Variants in GIPC2 observed in about 807,000 individuals in gnomAD.
The protein encoded by GIPC2 is PDZ domain-containing protein GIPC2.
A neutral mutation model predicts 30.6 loss-of-function variants in GIPC2; 30 were observed. The observed-to-expected ratio is 0.98, with a 90% CI of 0.73 to 1.33. The LOEUF is 1.33. Ranked by LOEUF, GIPC2 falls within the 40% of genes most tolerant of loss-of-function variation. The pLI is 0.00. For synonymous variants in GIPC2, 167 were observed against 150.0 expected, an observed-to-expected ratio of 1.11 and a Z score of -0.83; for missense variants, 414 against 390.3, an observed-to-expected ratio of 1.06 and a Z score of -0.51.
At chr1:78,059,069 G>A (rs887293231) in intron 1 of GIPC2, among the ~76,000 whole-genome samples, 7 of 152,102 alleles carry the variant, frequency 4.6e-5, no homozygotes, top group Admixed American at 1.3e-4. Context: ...CTACACCAGT[G>A]GTTCCCAAAG....
intron 3 of GIPC2, among the ~76,000 whole-genome samples, chr1:78,108,797 G>A (rs181541173): frequency 6.6e-6 from 1 of 152,174 alleles, no homozygotes; most frequent in East Asian, 1.9e-4. Flanking sequence ...CAATGCTGTT[G>A]GTATGTATCT....
At chr1:78,117,093 A>G (rs138207925) in intron 3 of GIPC2, among the ~76,000 whole-genome samples, 363 of 152,290 alleles carry the variant, frequency 2.4e-3, no homozygotes, top group South Asian at 0.011. Flanking sequence ...TTTGCAATCT[A>G]CTCATCTGAC....
intron 3 of GIPC2, among the ~76,000 whole-genome samples, chr1:78,107,492 A>G (rs977840300): frequency 2.6e-5 from 4 of 152,084 alleles, no homozygotes; most frequent in African/African-American, 9.7e-5. Flanking sequence ...AATATAAAAC[A>G]AACACATTAA....
intron 3 of GIPC2, among the ~76,000 whole-genome samples, chr1:78,105,288 A>ATTT (rs1288336378): frequency 7.1e-6 from 1 of 140,482 alleles, no homozygotes; most frequent in Non-Finnish European, 1.6e-5. Context: ...TGTAACTGTA[A>ATTT]TTTTTTTTTT....
intron 5 of GIPC2, among the ~76,000 whole-genome samples, chr1:78,130,229 AG>A (rs1662867345): frequency 6.6e-6 from 1 of 151,002 alleles, no homozygotes; most frequent in Non-Finnish European, 1.5e-5. Context: ...CAGCCTCCTG[AG>A]CAGCTGGGAT....
At chr1:78,087,985 A>G (rs1477754754) in intron 2 of GIPC2, among the ~76,000 whole-genome samples, 6 of 152,212 alleles carry the variant, frequency 3.9e-5, no homozygotes, top group Non-Finnish European at 8.8e-5. Context: ...GTGGCCAACA[A>G]TAATATTAAA....
intron 3 of GIPC2, among the ~76,000 whole-genome samples, chr1:78,101,848 A>T (rs1007047867): frequency 6.6e-6 from 1 of 152,218 alleles, no homozygotes; most frequent in Non-Finnish European, 1.5e-5. Flanking sequence ...CTGTAAACCT[A>T]GATTTTCCCA....
Position 78,135,726 on chromosome 1 carries a change from A to G in GIPC2, c.931A>G (p.Lys311Glu), listed in dbSNP as rs1316465870. ...TGTTTGGGGAGTCATTGGTGATGCC[A>G]AACGAAGAGGATTATGATGTGTACA... ...FDVWGVIGDA[K>E]RRGL is the part of the protein sequence containing the mutation. The change falls in exon 6 of 6, where the codon AAA (lysine) becomes GAA (glutamate). Residue 311 changes from lysine (K) to glutamate (E), a missense_variant. Physicochemically the swap from Lys to Glu is moderately conservative, Grantham distance 56 (BLOSUM62 1). Transcript: ENST00000370759. 4.3e-6 allele frequency: 7 copies of G among 1,613,788 alleles called. No individual in the cohort carries two copies. Among genetic ancestry groups the G allele is most frequent in the Non-Finnish European group, 5.9e-6 (7 of 1,179,830 alleles).
chr1:78,094,264 G>T (rs1423076101), intron 2 of GIPC2, among the ~76,000 whole-genome samples: 1 of 152,222 alleles, frequency 6.6e-6, no homozygotes, highest in Admixed American at 6.5e-5. Context: ...AAATGATTCA[G>T]TAATCACTAA....
In GIPC2 at chr1:78,046,073, C is replaced by T. The variant is rs1416914688; in HGVS notation, c.-22C>T. 9 of 1,412,122 alleles carry T rather than the reference C, an allele frequency of 6.4e-6. No homozygotes were observed. The highest frequency in any genetic ancestry group is 8.3e-6 in the Non-Finnish European group (9 of 1,086,662). 87.5% of individuals were successfully genotyped at this position (1,412,122 alleles called of 1,614,324 possible). A position where few individuals can be genotyped will look rare whatever the true frequency, so the allele number is the denominator to read the frequency against. On this transcript the variant is annotated 5_prime_UTR_variant, in exon 1 of 6. Coordinates refer to ENST00000370759, the MANE Select transcript of GIPC2 (RefSeq NM_017655.6). ...GGCGGCGGACGGCAGCGCAGGTGGG[C>T]CCGCGCTCTCGGCCCTGCAAGATGC... is the stretch of plus-strand genomic sequence containing the variant.
intron 1 of GIPC2, among the ~76,000 whole-genome samples, chr1:78,061,133 T>C (rs1396625696): frequency 2.0e-5 from 3 of 152,208 alleles, no homozygotes; most frequent in African/African-American, 7.2e-5. Flanking sequence ...GTCTACCTGT[T>C]TCCTGAAAGG....
At chr1:78,109,371 T>G in intron 3 of GIPC2, among the ~76,000 whole-genome samples, 1 of 152,214 alleles carries the variant, frequency 6.6e-6, no homozygotes, top group African/African-American at 2.4e-5. Context: ...CAATGGGTGC[T>G]AAAACAACCA....
In GIPC2 at chr1:78,058,981, T is replaced by C. The variant is rs186020535; in HGVS notation, c.240+12647T>C. On this transcript the variant is annotated intron_variant, in intron 1 of 5. Transcript: ENST00000370759. ...AATAGCTTCCATTTCATCCTTGTCC[T>C]TTACTGATCGTTTTGCTGCCCTGTC... Among the ~76,000 whole-genome samples the C allele has an allele frequency of 1.7e-3, 256 of 152,354 alleles. 4 individuals are homozygous for C. The highest frequency in any genetic ancestry group is 5.9e-3 in the African/African-American group (247 of 41,584).
chr1:78,051,123 TAAGAA>T (rs1034600489), intron 1 of GIPC2, among the ~76,000 whole-genome samples: 5 of 151,776 alleles, frequency 3.3e-5, no homozygotes, highest in African/African-American at 1.2e-4. Context: ...TGTGAAAACT[TAAGAA>T]AAGACGTATA....
chr1:78,080,521 A>G (rs1019195386), intron 1 of GIPC2, among the ~76,000 whole-genome samples, 154 bp from the exon 2 acceptor site: 3 of 152,226 alleles, frequency 2.0e-5, no homozygotes, highest in African/African-American at 7.2e-5. Flanking sequence ...AATGTGTCCC[A>G]GAATCTCTCT....
chr1:78,092,037 T>A, intron 2 of GIPC2: 2 of 1,530,496 alleles, frequency 1.3e-6, no homozygotes, highest in Non-Finnish European at 1.8e-6. Context: ...ATCGCCCTCC[T>A]GTCTACTGGC....
At chr1:78,091,314 G>C (rs1396508390) in intron 2 of GIPC2, among the ~76,000 whole-genome samples, 1 of 152,226 alleles carries the variant, frequency 6.6e-6, no homozygotes, top group East Asian at 1.9e-4. Context: ...GGACAGTGTT[G>C]GAAGGATCAG....
chr1:78,058,476 A>G (rs933784810), intron 1 of GIPC2, among the ~76,000 whole-genome samples: 1 of 152,072 alleles, frequency 6.6e-6, no homozygotes, highest in African/African-American at 2.4e-5. Flanking sequence ...GGAGTTCAGC[A>G]TTGTGCTTGA....
At chr1:78,093,744 A>G (rs1207964649) in intron 2 of GIPC2, among the ~76,000 whole-genome samples, 2 of 152,132 alleles carry the variant, frequency 1.3e-5, no homozygotes, top group African/African-American at 4.8e-5. Context: ...TTATTACACA[A>G]TAGCAGCCAC....
Sources: allele counts gnomAD v4.1 joint callset (sites outside exome capture counted in the v4.1 genomes callset), GRCh38; gene constraint gnomAD v4.1.1; transcripts MANE v1.5; gene names NCBI Gene and HGNC (gene_info 2026-07-23, HGNC 2026-07-21).